Variants in CREB5 observed in about 807,000 individuals in gnomAD.
CREB5 encodes the protein cAMP responsive element binding protein 5.
CREB5 carries 19 observed loss-of-function variants against 57.1 expected under a neutral mutation model. The ratio of observed to expected loss-of-function variants is 0.33; its 90% CI spans 0.23 to 0.49. The LOEUF is 0.49. CREB5 is among the 20% of genes least tolerant of loss of function. The probability of loss-of-function intolerance (pLI) is 0.99; values close to 1 mark genes in which losing one functional copy is unlikely to be tolerated. For synonymous variants in CREB5, 238 were observed against 238.3 expected (o/e 1.00, Z 0.01); for missense variants, 579 against 671.6 (o/e 0.86, Z 1.52).
intron 7 of CREB5, among the ~76,000 whole-genome samples, chr7:28,773,886 G>T (rs941435969): frequency 9.2e-5 from 14 of 152,162 alleles, no homozygotes; most frequent in Non-Finnish European, 1.6e-4. Context: ...TTTTCCTAGC[G>T]TCCTTCATTT....
At chr7:28,736,824 CT>C (rs35313065) in intron 7 of CREB5, among the ~76,000 whole-genome samples, 55,879 of 134,676 alleles carry the variant, frequency 0.41, 11,776 homozygotes, top group East Asian at 0.6. Context: ...CTCTCTCTCT[CT>C]TTTTTTTTTT....
intron 4 of CREB5, among the ~76,000 whole-genome samples, chr7:28,560,923 C>G (rs200062928): frequency 5.0e-5 from 1 of 19,848 alleles, no homozygotes; most frequent in African/African-American, 1.8e-4. Flanking sequence ...TGCGTGTGTG[C>G]GCGTGCGTGT....
At chr7:28,611,509 A>C in intron 5 of CREB5, among the ~76,000 whole-genome samples, 1 of 147,368 alleles carries the variant, frequency 6.8e-6, no homozygotes, top group African/African-American at 2.5e-5. Flanking sequence ...AAAAAAAAAA[A>C]AAAAAAATTA....
chr7:28,660,026 T>C (rs1440399921), intron 5 of CREB5, among the ~76,000 whole-genome samples: 1 of 152,122 alleles, frequency 6.6e-6, no homozygotes, highest in Non-Finnish European at 1.5e-5. Context: ...TTCAACAATA[T>C]TGAAGAGCAG....
intron 1 of CREB5, among the ~76,000 whole-genome samples, chr7:28,366,137 CA>C (rs1786582196): frequency 6.6e-6 from 1 of 152,066 alleles, no homozygotes; most frequent in African/African-American, 2.4e-5. Flanking sequence ...ACTTCACCCG[CA>C]AAAAATTTTC....
At chr7:28,760,954 G>T (rs1805607410) in intron 7 of CREB5, among the ~76,000 whole-genome samples, 1 of 152,120 alleles carries the variant, frequency 6.6e-6, no homozygotes, top group Non-Finnish European at 1.5e-5. Context: ...CAAGTAGTAG[G>T]AGCATATATT....
chr7:28,622,463 C>T (rs181474685), intron 5 of CREB5, among the ~76,000 whole-genome samples: 21 of 152,162 alleles, frequency 1.4e-4, no homozygotes, highest in Admixed American at 3.3e-4. Flanking sequence ...CATGCAAAGG[C>T]GTAGAAAGAA....
intron 7 of CREB5, among the ~76,000 whole-genome samples, chr7:28,771,744 G>A (rs1331693196): frequency 7.8e-6 from 1 of 128,424 alleles, no homozygotes; most frequent in African/African-American, 2.9e-5. Flanking sequence ...TAAAGCATCA[G>A]CTGCCAATTT....
At chr7:28,685,929 C>A (rs1800872957) in intron 5 of CREB5, 3 of 511,448 alleles carry the variant, frequency 5.9e-6, no homozygotes, top group Non-Finnish European at 1.0e-5. Flanking sequence ...GTGGTGACTT[C>A]ACTAGCACTG....
chr7:28,366,443 C>T (rs766480141), intron 1 of CREB5, among the ~76,000 whole-genome samples: 2 of 152,106 alleles, frequency 1.3e-5, no homozygotes, highest in African/African-American at 4.8e-5. Context: ...GATACTACTA[C>T]TTATTGTTAT....
chr7:28,645,454 AT>A (rs768872274), intron 5 of CREB5, among the ~76,000 whole-genome samples: 3 of 152,180 alleles, frequency 2.0e-5, no homozygotes, highest in Non-Finnish European at 2.9e-5. Flanking sequence ...ACTGTGCCCA[AT>A]AGGGTGATTT....
rs375007303 is a variant in CREB5 at position 28,651,212 on chromosome 7, T to TAGTA, written c.465-67539_465-67536dup. Among the ~76,000 whole-genome samples the TAGTA allele has an allele frequency of 9.2e-3, 1,398 of 152,238 alleles. 24 individuals carry two copies. The highest frequency in any genetic ancestry group is 0.031 in the African/African-American group (1,295 of 41,518). ...GCCAGGCAATTTTTATTGAAAATCA[T>TAGTA]AGTAATGACTTCAGGCCAATATAGA... On this transcript the variant is annotated intron_variant, in intron 5 of 10. Transcript: ENST00000357727.
At chr7:28,590,796 T>TA (rs1364412147) in intron 5 of CREB5, among the ~76,000 whole-genome samples, 1 of 152,036 alleles carries the variant, frequency 6.6e-6, no homozygotes, top group Non-Finnish European at 1.5e-5. Context: ...CCTAATGTGT[T>TA]AAAATGAAGA....
chr7:28,386,102 A>G (rs1180033026), intron 1 of CREB5, among the ~76,000 whole-genome samples: 1 of 152,156 alleles, frequency 6.6e-6, no homozygotes, highest in Non-Finnish European at 1.5e-5. Flanking sequence ...GTTTTATAGT[A>G]TCAATGTTTC....
chr7:28,361,466 C>T (rs1786481063), intron 1 of CREB5, among the ~76,000 whole-genome samples: 1 of 152,300 alleles, frequency 6.6e-6, no homozygotes, highest in African/African-American at 2.4e-5. Flanking sequence ...GAGGCCACAT[C>T]CTTTTCCCTG....
intron 4 of CREB5, among the ~76,000 whole-genome samples, chr7:28,539,048 G>A (rs1033096483): frequency 2.0e-5 from 3 of 152,242 alleles, no homozygotes; most frequent in East Asian, 1.9e-4. Flanking sequence ...TTAATAGTTC[G>A]ACATCTTTCT....
At chr7:28,303,925 A>G (rs1785142894) in intron 1 of CREB5, among the ~76,000 whole-genome samples, 1 of 152,180 alleles carries the variant, frequency 6.6e-6, no homozygotes, top group Non-Finnish European at 1.5e-5. Flanking sequence ...AATAAAATAA[A>G]TATAGTTTTA....
chr7:28,627,362 C>T (rs79236767), intron 5 of CREB5, among the ~76,000 whole-genome samples: 10,665 of 152,262 alleles, frequency 0.07, 447 homozygotes, highest in South Asian at 0.11. Context: ...AGTGGCTCAG[C>T]CCTGGCTACC....
chr7:28,575,307 A>C (rs913614872), intron 5 of CREB5, among the ~76,000 whole-genome samples: 16 of 152,212 alleles, frequency 1.1e-4, no homozygotes, highest in African/African-American at 3.9e-4. Flanking sequence ...ATGTTAATAC[A>C]TTTGAGGGTT....
Sources: allele counts gnomAD v4.1 joint callset (sites outside exome capture counted in the v4.1 genomes callset), GRCh38; gene constraint gnomAD v4.1.1; transcripts MANE v1.5; gene names NCBI Gene and HGNC (gene_info 2026-07-23, HGNC 2026-07-21).